Variants in EML6 observed in about 807,000 individuals in gnomAD.
The protein encoded by EML6 is echinoderm microtubule-associated protein-like 6.
Under a neutral mutation model 240.1 loss-of-function variants are expected in EML6, and 154 were observed. That is an observed-to-expected ratio of 0.64 (90% CI 0.56 to 0.73). EML6 has a LOEUF of 0.73. Ranked by LOEUF, EML6 falls within the 30% of genes least tolerant of loss-of-function variation. The probability of loss-of-function intolerance (pLI) is 0.00; values close to 1 mark genes in which losing one functional copy is unlikely to be tolerated. For synonymous variants in EML6, 1,148 were observed against 899.0 expected (o/e 1.28, Z -4.95); for missense variants, 2,964 against 2,474.6 (o/e 1.20, Z -4.20).
chr2:54,741,477 CT>C (rs1259027460), intron 2 of EML6, among the ~76,000 whole-genome samples: 1 of 152,122 alleles, frequency 6.6e-6, no homozygotes, highest in Admixed American at 6.5e-5. Context: ...CACTTCCTTG[CT>C]CTTTCTGTTA....
intron 16 of EML6, among the ~76,000 whole-genome samples, chr2:54,878,936 T>C (rs1368451771): frequency 6.6e-6 from 1 of 152,236 alleles, no homozygotes. Flanking sequence ...AAATTTTCTG[T>C]ATCCATATTT....
intron 28 of EML6, among the ~76,000 whole-genome samples, chr2:54,937,111 C>G (rs938371147): frequency 6.6e-5 from 10 of 151,812 alleles, no homozygotes; most frequent in Admixed American, 1.3e-4. Context: ...AAAACCCCAT[C>G]TCTACTAAAC....
At chr2:54,757,434 A>G (rs959129587) in intron 2 of EML6, among the ~76,000 whole-genome samples, 1 of 152,174 alleles carries the variant, frequency 6.6e-6, no homozygotes, top group African/African-American at 2.4e-5. Context: ...TGTGTTGGTC[A>G]GTTTCCCCAG....
chr2:54,879,318 A>G (rs1439459060), intron 16 of EML6, among the ~76,000 whole-genome samples: 6 of 152,250 alleles, frequency 3.9e-5, no homozygotes, highest in Non-Finnish European at 7.3e-5. Context: ...AGGTCCATTT[A>G]GTATATGATA....
chr2:54,725,837 A>T lies in EML6; in HGVS notation c.197+579A>T, dbSNP rs1359693703. Among the ~76,000 whole-genome samples the T allele has an allele frequency of 1.3e-5, 2 of 152,202 alleles. No individual in the cohort carries two copies. The highest frequency in any genetic ancestry group is 4.8e-5 in the African/African-American group (2 of 41,444). On this transcript the variant is annotated intron_variant, in intron 2 of 41. Coordinates refer to ENST00000356458, the MANE Select transcript of EML6 (RefSeq NM_001039753.4). The surrounding 1 kb of genome is among the most constrained non-coding windows in gnomAD (Gnocchi z 4.3). ...CAAAGCATATTTATACACTAAATGG[A>T]TGCTTCCACAGCATCATTGAGGTTA...
intron 2 of EML6, among the ~76,000 whole-genome samples, chr2:54,759,235 C>T (rs186965831): frequency 3.9e-4 from 59 of 149,834 alleles, no homozygotes; most frequent in Non-Finnish European, 5.8e-4. Context: ...TAATAATATG[C>T]ATATCTGATA....
chr2:54,835,869 A>G (rs917943352), intron 7 of EML6, among the ~76,000 whole-genome samples: 1 of 152,154 alleles, frequency 6.6e-6, no homozygotes, highest in Non-Finnish European at 1.5e-5. Flanking sequence ...CCAAATGTTG[A>G]TAGTGTTGTT....
chr2:54,956,128 C>A (rs1427954791), intron 32 of EML6, among the ~76,000 whole-genome samples: 3 of 152,146 alleles, frequency 2.0e-5, no homozygotes, highest in African/African-American at 7.2e-5. Context: ...TCTGAGCAGA[C>A]TAGAAGCCAA....
intron 17 of EML6, among the ~76,000 whole-genome samples, chr2:54,887,346 A>AT (rs1256660699): frequency 1.3e-5 from 2 of 152,180 alleles, no homozygotes; most frequent in East Asian, 1.9e-4. Context: ...TTTATAAACA[A>AT]TTTTCCCTCG....
chr2:54,857,962 A>T (rs1377253436), intron 11 of EML6, among the ~76,000 whole-genome samples: 2 of 152,242 alleles, frequency 1.3e-5, no homozygotes, highest in Non-Finnish European at 2.9e-5. Context: ...TTAATTATCT[A>T]TTGCTGCATA....
chr2:54,953,067 C>A (rs1157502252), intron 31 of EML6, among the ~76,000 whole-genome samples: 4 of 152,088 alleles, frequency 2.6e-5, no homozygotes. Context: ...TGGGAAACTG[C>A]CGGTGACAAA....
At chr2:54,886,888 A>G (rs935056288) in intron 17 of EML6, among the ~76,000 whole-genome samples, 3 of 152,234 alleles carry the variant, frequency 2.0e-5, no homozygotes, top group Non-Finnish European at 2.9e-5. Context: ...CTGTCACATC[A>G]GAAAAGATAA....
In EML6 at chr2:54,967,083, C is replaced by T; in HGVS notation, c.5577C>T (p.Ile1859=). The T allele has an allele frequency of 6.4e-7, 1 of 1,551,226 alleles. No individual in the cohort carries two copies. The highest frequency in any genetic ancestry group is 8.7e-7 in the Non-Finnish European group (1 of 1,146,642). The change falls in exon 39 of 42, where the codon ATC becomes ATT. Residue 1859 remains isoleucine (I), a synonymous_variant. Coordinates refer to ENST00000356458, the MANE Select transcript of EML6 (RefSeq NM_001039753.4). ...CTGAAGCCGTGGTCATTGAGAAGATCACCTGGGCCTCCTGGACAAGGTGAC... is the reference window on the plus strand; with the variant it reads ...CTGAAGCCGTGGTCATTGAGAAGATTACCTGGGCCTCCTGGACAAGGTGAC... ...QVTEAVVIEK[I]TWASWTSVLG... is the part of the protein sequence containing the mutation.
chr2:54,866,513 A>G (rs927633577), intron 13 of EML6, among the ~76,000 whole-genome samples: 1 of 152,212 alleles, frequency 6.6e-6, no homozygotes, highest in South Asian at 2.1e-4. Context: ...TTCCTTTAAA[A>G]TTTACTGATA....
At chr2:54,954,209 G>A (rs759410684) in intron 32 of EML6, 53 bp downstream of exon 32, 42 of 1,487,374 alleles carry the variant, frequency 2.8e-5, no homozygotes, top group Non-Finnish European at 3.0e-5. Flanking sequence ...TGTGGGTGTC[G>A]AGCCTGTGGG....
intron 2 of EML6, among the ~76,000 whole-genome samples, chr2:54,732,071 CT>C (rs1364155475): frequency 6.6e-6 from 1 of 152,116 alleles, no homozygotes; most frequent in African/African-American, 2.4e-5. Flanking sequence ...TATTGATGAT[CT>C]TTTCATAAAC....
chr2:54,916,939 A>G lies in EML6; in HGVS notation c.3675+4A>G. 1.3e-6 allele frequency: 2 copies of G among 1,526,782 alleles called. No homozygotes were observed. The highest frequency in any genetic ancestry group is 2.5e-5 in the East Asian group (1 of 40,276). 94.6% of individuals were successfully genotyped at this position (1,526,782 alleles called of 1,614,324 possible). On this transcript the variant is annotated splice_donor_region_variant and intron_variant, in intron 26 of 41. Transcript: ENST00000356458. The stretch of plus-strand genomic sequence containing the variant: ...GCTTTTTTCATATCCTGTCAAGGTA[A>G]TATTGCGTGTTTATTATCTTTACTT...
chr2:54,771,190 A>G (rs1471567096), intron 2 of EML6, among the ~76,000 whole-genome samples: 1 of 152,128 alleles, frequency 6.6e-6, no homozygotes, highest in African/African-American at 2.4e-5. Flanking sequence ...TGGAGTTATA[A>G]TTACAGTTTA....
At chr2:54,741,913 C>T (rs1683655371) in intron 2 of EML6, among the ~76,000 whole-genome samples, 1 of 152,128 alleles carries the variant, frequency 6.6e-6, no homozygotes, top group South Asian at 2.1e-4. Context: ...GATGCTATAA[C>T]TAGTGATGAA....
Sources: allele counts gnomAD v4.1 joint callset (sites outside exome capture counted in the v4.1 genomes callset), GRCh38; gene constraint gnomAD v4.1.1; non-coding constraint Gnocchi (gnomAD v3.1); transcripts MANE v1.5; gene names NCBI Gene and HGNC (gene_info 2026-07-23, HGNC 2026-07-21).